The following PARD3B variants were observed in gnomAD, a reference collection of about 807,000 sequenced individuals.
The protein encoded by PARD3B is par-3 family cell polarity regulator beta.
Under a neutral mutation model 130.2 loss-of-function variants are expected in PARD3B, and 103 were observed. The observed-to-expected ratio is 0.79, with a 90% CI of 0.67 to 0.93. The LOEUF is 0.93. Ranked by LOEUF, PARD3B falls within the 40% of genes least tolerant of loss-of-function variation. The probability of loss-of-function intolerance (pLI) is 0.00; values close to 1 mark genes in which losing one functional copy is unlikely to be tolerated. For synonymous variants in PARD3B, 583 were observed against 553.2 expected (o/e 1.05, Z -0.76); for missense variants, 1,609 against 1,499.2 (o/e 1.07, Z -1.21).
At chr2:204,917,154 G>C (rs1301489763) in intron 2 of PARD3B, among the ~76,000 whole-genome samples, 1 of 152,182 alleles carries the variant, frequency 6.6e-6, no homozygotes. Context: ...ATTCTAAGAA[G>C]ACCATAGTCA....
intron 2 of PARD3B, among the ~76,000 whole-genome samples, chr2:204,820,235 C>T (rs1258730253): frequency 6.6e-6 from 1 of 151,710 alleles, no homozygotes; most frequent in African/African-American, 2.4e-5. Context: ...ACCACCATGC[C>T]CAATTAATTT....
intron 22 of PARD3B, among the ~76,000 whole-genome samples, chr2:205,606,113 T>G (rs917560035): frequency 6.6e-6 from 1 of 151,810 alleles, no homozygotes; most frequent in Admixed American, 6.6e-5. Flanking sequence ...AGGGGAAAAA[T>G]GGCAGACTGG....
chr2:204,560,560 A>G (rs1398890288), intron 1 of PARD3B, among the ~76,000 whole-genome samples: 1 of 149,836 alleles, frequency 6.7e-6, no homozygotes, highest in East Asian at 2.0e-4. Flanking sequence ...TAGGAGTGGA[A>G]GATGGGGCAG....
chr2:205,312,338 G>A (rs182070076), intron 18 of PARD3B, among the ~76,000 whole-genome samples: 8 of 152,244 alleles, frequency 5.3e-5, no homozygotes, highest in South Asian at 2.1e-4. Flanking sequence ...AGTAGAGGCC[G>A]GTTTGAAACA....
chr2:205,586,303 C>G (rs1405681110), intron 22 of PARD3B, among the ~76,000 whole-genome samples: 1 of 152,208 alleles, frequency 6.6e-6, no homozygotes, highest in East Asian at 1.9e-4. Flanking sequence ...CTTTTAGAGA[C>G]TCCGTGACAG....
At chr2:204,629,795 T>G (rs144218483) in intron 1 of PARD3B, among the ~76,000 whole-genome samples, 7 of 152,344 alleles carry the variant, frequency 4.6e-5, no homozygotes, top group Admixed American at 4.6e-4. Flanking sequence ...TATATTCTAT[T>G]AATATCTTAT....
rs376771282 is a variant in PARD3B at position 205,246,754 on chromosome 2, T to A, written c.2185+932T>A. 5.9e-5 allele frequency among the ~76,000 whole-genome samples: 9 copies of A among 152,286 alleles called. No homozygotes were observed. The East Asian group carries it at 1.5e-3, about 26-fold the overall frequency. ...CCTCCATCATGTTCCAGGGCAAGAT[T>A]ATGATTTTTTTCCTTTCTTCTTTCT... On this transcript the variant is annotated intron_variant, in intron 16 of 22. Coordinates refer to ENST00000406610, the MANE Select transcript of PARD3B (RefSeq NM_001302769.2).
At chr2:205,483,800 G>T (rs998502238) in intron 20 of PARD3B, among the ~76,000 whole-genome samples, 1 of 151,898 alleles carries the variant, frequency 6.6e-6, no homozygotes, top group African/African-American at 2.4e-5. Context: ...AAACCTTGAG[G>T]CTTATATTTT....
intron 2 of PARD3B, among the ~76,000 whole-genome samples, chr2:204,892,985 G>A (rs2046504889): frequency 6.6e-6 from 1 of 152,182 alleles, no homozygotes; most frequent in South Asian, 2.1e-4. Flanking sequence ...AAATGTGGGT[G>A]TCTCAGCATG....
At chr2:204,805,116 A>G (rs542484884) in intron 2 of PARD3B, among the ~76,000 whole-genome samples, 26 of 152,244 alleles carry the variant, frequency 1.7e-4, no homozygotes, top group Non-Finnish European at 3.7e-4. Flanking sequence ...TGGAAACAAA[A>G]AAATTACAAA....
chr2:205,144,918 A>G (rs2033239318), intron 10 of PARD3B, among the ~76,000 whole-genome samples: 1 of 151,732 alleles, frequency 6.6e-6, no homozygotes, highest in South Asian at 2.1e-4. Context: ...ACGAAAAGAA[A>G]CTCCCCGCTC....
intron 2 of PARD3B, among the ~76,000 whole-genome samples, chr2:204,866,533 A>C (rs1354446118): frequency 6.6e-6 from 1 of 152,110 alleles, no homozygotes; most frequent in Non-Finnish European, 1.5e-5. Flanking sequence ...CCTCCTACTT[A>C]TTAGGTGCCA....
chr2:205,419,215 TAGTG>T (rs1335713646), intron 19 of PARD3B, among the ~76,000 whole-genome samples: 1 of 152,112 alleles, frequency 6.6e-6, no homozygotes, highest in Non-Finnish European at 1.5e-5. Flanking sequence ...GTTCTCGTGA[TAGTG>T]AGTAAGTCTC....
chr2:204,801,594 G>A (rs1216972536), intron 2 of PARD3B, among the ~76,000 whole-genome samples: 1 of 152,142 alleles, frequency 6.6e-6, no homozygotes, highest in South Asian at 2.1e-4. Context: ...ATCAACTTGA[G>A]GAGATTTGGG....
chr2:205,224,950 T>C (rs2038463671), intron 15 of PARD3B, among the ~76,000 whole-genome samples: 1 of 152,186 alleles, frequency 6.6e-6, no homozygotes, highest in Admixed American at 6.5e-5. Flanking sequence ...CTTTAAGTTC[T>C]AGGGTACATG....
At chr2:204,680,326 C>A (rs1056985017) in intron 1 of PARD3B, among the ~76,000 whole-genome samples, 11 of 152,032 alleles carry the variant, frequency 7.2e-5, no homozygotes, top group Admixed American at 2.0e-4. Flanking sequence ...AGAATTCGTT[C>A]ATTTTATAAA....
intron 5 of PARD3B, 69 bp from the exon 6 acceptor site, chr2:205,113,422 G>GTGTT: frequency 1.2e-6 from 1 of 859,132 alleles, no homozygotes; most frequent in Non-Finnish European, 1.9e-6. Context: ...GTGTGTGTGT[G>GTGTT]TATTTTAGAT....
At chr2:205,456,314 C>G (rs532084198) in intron 20 of PARD3B, among the ~76,000 whole-genome samples, 56 of 152,056 alleles carry the variant, frequency 3.7e-4, no homozygotes, top group African/African-American at 1.3e-3. Context: ...AACAGAGTTG[C>G]TATAAACAGT....
At chr2:205,534,362 A>G (rs6724354) in intron 21 of PARD3B, among the ~76,000 whole-genome samples, 71,208 of 152,064 alleles carry the variant, frequency 0.47, 18,636 homozygotes, top group Middle Eastern at 0.72. Flanking sequence ...AGGGAGCAAG[A>G]TGCTTGGGAA....
Sources: allele counts gnomAD v4.1 joint callset (sites outside exome capture counted in the v4.1 genomes callset), GRCh38; gene constraint gnomAD v4.1.1; transcripts MANE v1.5; gene names NCBI Gene and HGNC (gene_info 2026-07-23, HGNC 2026-07-21).